Variants in FADS2 observed in about 807,000 individuals in gnomAD.
FADS2 encodes fatty acid desaturase 2.
FADS2 carries 18 observed loss-of-function variants against 61.2 expected under a neutral mutation model. The ratio of observed to expected loss-of-function variants is 0.29; its 90% CI spans 0.20 to 0.44. FADS2 has a LOEUF of 0.44. FADS2 is among the 20% of genes least tolerant of loss of function. The probability of loss-of-function intolerance (pLI) is 1.00; values close to 1 mark genes in which losing one functional copy is unlikely to be tolerated. For synonymous variants in FADS2, 203 were observed against 223.9 expected (o/e 0.91, Z 0.83); for missense variants, 322 against 572.7 (o/e 0.56, Z 4.47).
chr11:61,860,742 G>T (rs556368568), intron 7 of FADS2, among the ~76,000 whole-genome samples: 1 of 151,994 alleles, frequency 6.6e-6, no homozygotes, highest in African/African-American at 2.4e-5. Flanking sequence ...CAACATGGGC[G>T]AAACCCTGTC....
upstream of FADS2, among the ~76,000 whole-genome samples, chr11:61,824,856 A>G (rs983979061): frequency 1.3e-5 from 2 of 152,176 alleles, no homozygotes; most frequent in African/African-American, 4.8e-5. Context: ...AAATACAGCC[A>G]TATTTTTTTG....
At chr11:61,841,888 C>A (rs914785584) in intron 4 of FADS2, among the ~76,000 whole-genome samples, 1 of 152,214 alleles carries the variant, frequency 6.6e-6, no homozygotes, top group Non-Finnish European at 1.5e-5. Flanking sequence ...CCACTCTCAC[C>A]TCCCCCTAGA....
At chr11:61,864,827 T>C (rs1043901258) in intron 10 of FADS2, among the ~76,000 whole-genome samples, 11 of 152,210 alleles carry the variant, frequency 7.2e-5, no homozygotes, top group Admixed American at 3.3e-4. Flanking sequence ...TGAGCCACCG[T>C]GCCTCACCTC....
In FADS2 at chr11:61,837,847, G is replaced by A; in HGVS notation, c.277G>A (p.Glu93Lys). 6.2e-7 allele frequency: 1 copy of A among 1,613,914 alleles called. No homozygotes were observed. Among genetic ancestry groups the A allele is most frequent in the Non-Finnish European group, 8.5e-7 (1 of 1,179,914 alleles). Reference protein sequence around the residue: ...GKFLKPLLIGELAPEEPSQDH... With the variant: ...GKFLKPLLIGKLAPEEPSQDH... Reference sequence around the variant, plus strand: ...GTTCTTGAAACCCCTGCTGATTGGTGAACTGGCCCCGGAGGAGCCCAGCCA... The same window carrying A: ...GTTCTTGAAACCCCTGCTGATTGGTAAACTGGCCCCGGAGGAGCCCAGCCA... Residue 93 changes from glutamate to lysine, a missense_variant, in exon 2 of 12, where the codon GAA (glutamate) becomes AAA (lysine). Glu to Lys is a moderately conservative substitution (Grantham distance 56, BLOSUM62 1). This residue lies in a region of FADS2 where 40 missense variants were observed against 37.3 expected (regional missense o/e 1.07). Transcript: ENST00000278840.
intron 5 of FADS2, among the ~76,000 whole-genome samples, chr11:61,851,785 T>C (rs902762682): frequency 6.6e-6 from 1 of 152,236 alleles, no homozygotes; most frequent in African/African-American, 2.4e-5. Context: ...CGTGGAACTG[T>C]GAATAGCGCG....
chr11:61,853,502 G>T (rs1281881094), intron 5 of FADS2, among the ~76,000 whole-genome samples: 1 of 151,968 alleles, frequency 6.6e-6, no homozygotes, highest in African/African-American at 2.4e-5. Context: ...CCATATCCCC[G>T]TTTTCTGAGG....
chr11:61,816,309 C>CT lies in FADS2; in HGVS notation c.27dup (p.Val10CysfsTer47). 1.3e-6 allele frequency: 2 copies of CT among 1,598,384 alleles called. No individual in the cohort carries two copies. Among genetic ancestry groups the CT allele is most frequent in the South Asian group, 2.2e-5 (2 of 91,080 alleles). Reference sequence around the variant, plus strand: ...GAATGCACGGCAGGGAGGCGGGACCCTTTGTTTGTGTGTGCGTGTTGTTGG... The same window carrying CT: ...GAATGCACGGCAGGGAGGCGGGACCCTTTTGTTTGTGTGTGCGTGTTGTTGG... On this transcript the variant is annotated frameshift_variant, in exon 1 of 12. Transcript: ENST00000257261. LOFTEE classifies it high-confidence loss of function. This position sits in a 1 kb window ranked among gnomAD's most constrained non-coding sequence, Gnocchi z 7.0.
intron 5 of FADS2, among the ~76,000 whole-genome samples, chr11:61,852,003 G>A (rs1165931333): frequency 6.6e-6 from 1 of 152,216 alleles, no homozygotes; most frequent in East Asian, 1.9e-4. Flanking sequence ...AATGGGATAT[G>A]GGTAGGATGA....
intron 7 of FADS2, among the ~76,000 whole-genome samples, chr11:61,861,017 C>A (rs1444791870): frequency 6.6e-5 from 10 of 151,816 alleles, no homozygotes; most frequent in Non-Finnish European, 1.3e-4. Flanking sequence ...CCAGCCTGGG[C>A]AAGTAAGTGA....
chr11:61,851,301 G>C (rs1025369329), intron 5 of FADS2, among the ~76,000 whole-genome samples: 1 of 152,212 alleles, frequency 6.6e-6, no homozygotes, highest in African/African-American at 2.4e-5. Flanking sequence ...CGTCTTTCTT[G>C]TGCGTGGTGG....
intron 1 of FADS2, among the ~76,000 whole-genome samples, chr11:61,819,663 A>G (rs1445629203): frequency 6.6e-6 from 1 of 152,242 alleles, no homozygotes; most frequent in Non-Finnish European, 1.5e-5. Context: ...GCAGACATTG[A>G]AAATAATGTC....
chr11:61,816,775 C>T lies in FADS2; in HGVS notation c.141+349C>T. 6.6e-7 allele frequency: 1 copy of T among 1,524,188 alleles called. No homozygotes were observed. Among genetic ancestry groups the T allele is most frequent in the Non-Finnish European group, 8.8e-7 (1 of 1,140,608 alleles). 94.4% of individuals were successfully genotyped at this position (1,524,188 alleles called of 1,614,324 possible). A position where few individuals can be genotyped will look rare whatever the true frequency, so the allele number is the denominator to read the frequency against. On this transcript the variant is annotated intron_variant, in intron 1 of 11. Transcript: ENST00000257261. This position sits in a 1 kb window ranked among gnomAD's most constrained non-coding sequence, Gnocchi z 7.0. ...GGGGGCCATAGCTGGCCTGGCGACG[C>T]CGCGCGCCGGGCCAGCAGGGGCTGT...
At chr11:61,838,900 C>T (rs1319449598) in intron 2 of FADS2, among the ~76,000 whole-genome samples, 1 of 152,112 alleles carries the variant, frequency 6.6e-6, no homozygotes, top group African/African-American at 2.4e-5. Flanking sequence ...TTGTCCATGG[C>T]CTTGCTCCTT....
rs951395450 is a variant in FADS2, at chr11:61,857,436, C to A, written c.806-18C>A. On this transcript the variant is annotated intron_variant, in intron 6 of 11. Coordinates refer to ENST00000278840, the MANE Select transcript of FADS2 (RefSeq NM_004265.4). ...AGGGTGGAATGGATGCCTCTAAGCG[C>A]CTGTCTCTCTCCTGCAGTTGGGCCG... 8.1e-6 allele frequency: 13 copies of A among 1,612,072 alleles called. No individual in the cohort carries two copies. The African/African-American group carries it at 1.5e-4, about 18-fold the overall frequency.
At chr11:61,824,175 A>C (rs1222241979), upstream of FADS2, among the ~76,000 whole-genome samples, 1 of 151,928 alleles carries the variant, frequency 6.6e-6, no homozygotes, top group African/African-American at 2.4e-5. Context: ...TGAGGTCGGG[A>C]GTTCGAGACC....
chr11:61,828,284 C>A, upstream of FADS2: 1 of 1,463,472 alleles, frequency 6.8e-7, no homozygotes, highest in South Asian at 1.4e-5. The surrounding 1 kb of genome is among the most constrained non-coding windows in gnomAD (Gnocchi z 6.4). Context: ...AAGCCGAAAG[C>A]GAAGAGGGCC....
chr11:61,851,561 G>C (rs1267395954), intron 5 of FADS2, among the ~76,000 whole-genome samples: 1 of 152,220 alleles, frequency 6.6e-6, no homozygotes, highest in South Asian at 2.1e-4. Context: ...GGACCCGGCC[G>C]CCCTGGAAGG....
chr11:61,837,019 G>T (rs1218994452), intron 1 of FADS2, among the ~76,000 whole-genome samples: 2 of 152,196 alleles, frequency 1.3e-5, no homozygotes, highest in Admixed American at 1.3e-4. Context: ...TAGCAATAAT[G>T]ACCACTTTCT....
rs1208206037 is a variant in FADS2 at position 61,866,401 on chromosome 11, C to G, written c.*712C>G. 1 of 166,910 alleles carries G rather than the reference C, an allele frequency of 6.0e-6. No individual in the cohort carries two copies. The highest frequency in any genetic ancestry group is 2.4e-5 in the African/African-American group (1 of 42,132). 10.3% of individuals were successfully genotyped at this position (166,910 alleles called of 1,614,324 possible). A position where few individuals can be genotyped will look rare whatever the true frequency, so the allele number is the denominator to read the frequency against. ...TCACGGGCCCCATTCCACCGCCTCC[C>G]CAACTTGAGCCTGTGACCTTGGGAC... On this transcript the variant is annotated 3_prime_UTR_variant, in exon 12 of 12. Transcript: ENST00000278840.
Sources: gnomAD v4.1 joint callset for allele counts (sites outside exome capture counted in the v4.1 genomes callset) on GRCh38, gnomAD v4.1.1 for gene constraint, gnomAD v4.1.1 regional missense constraint, Gnocchi (gnomAD v3.1) non-coding constraint, MANE v1.5 for transcripts, NCBI Gene and HGNC (gene_info 2026-07-23, HGNC 2026-07-21) for gene names.